The following ABTB2 variants were observed in gnomAD, a reference collection of about 807,000 sequenced individuals.
ABTB2 encodes the protein ankyrin repeat and BTB domain containing 2.
Under a neutral mutation model 104.1 loss-of-function variants are expected in ABTB2, and 56 were observed. The ratio of observed to expected loss-of-function variants is 0.54; its 90% CI spans 0.43 to 0.67. ABTB2 has a LOEUF of 0.67. ABTB2 is among the 30% of genes least tolerant of loss of function. ABTB2 has a pLI of 0.00. For missense variants in ABTB2, 1,279 were observed against 1,407.7 expected (o/e 0.91, Z 1.46); for synonymous variants, 606 against 608.2 (o/e 1.00, Z 0.05).
intron 1 of ABTB2, among the ~76,000 whole-genome samples, chr11:34,294,790 A>C (rs1590245004): frequency 6.6e-6 from 1 of 150,946 alleles, no homozygotes; most frequent in African/African-American, 2.4e-5. Flanking sequence ...ATCTCAGCTC[A>C]TGTAACCTCC....
At position 34,160,956 on chromosome 11, in the gene ABTB2, C is replaced by T. The variant is rs868582683; in HGVS notation, c.2344G>A (p.Glu782Lys). The T allele has an allele frequency of 1.2e-6, 2 of 1,613,528 alleles. No individual in the cohort carries two copies. Among genetic ancestry groups the T allele is most frequent in the African/African-American group, 2.7e-5 (2 of 75,012 alleles). The change falls in exon 11 of 17, where the codon GAG (glutamate) becomes AAG (lysine). Residue 782 changes from glutamate to lysine, a missense_variant. Coordinates refer to ENST00000435224, the MANE Select transcript of ABTB2 (RefSeq NM_145804.3). ...SSIREEEYNE[E>K]LVTEGLQLMF... ...AGCTGCAAGCCCTCGGTCACCAGCT[C>T]CTCGTTGTACTCCTCCTCTCTGATG...
In ABTB2 at chr11:34,286,256, A is replaced by C. The variant is rs1458481353; in HGVS notation, c.883+70445T>G. On this transcript the variant is annotated intron_variant, in intron 1 of 16. Transcript: ENST00000435224. Reference sequence around the variant, plus strand: ...GAGGATCGTTTGGAGCCAGGAGTTCAAGACGAGCCTGGGCATCACGGTGAG... The same window carrying C: ...GAGGATCGTTTGGAGCCAGGAGTTCCAGACGAGCCTGGGCATCACGGTGAG... 2.6e-5 allele frequency among the ~76,000 whole-genome samples: 4 copies of C among 151,756 alleles called. No individual in the cohort carries two copies. In the South Asian group the frequency reaches 8.3e-4, roughly 32 times the overall value.
chr11:34,195,085 G>GGGGGGGGGGGC (rs1565137675), intron 3 of ABTB2, among the ~76,000 whole-genome samples: 3 of 77,600 alleles, frequency 3.9e-5, no homozygotes, highest in South Asian at 6.0e-4. Flanking sequence ...CGGGGGGGGG[G>GGGGGGGGGGGC]AGTGGGGGCG....
intron 1 of ABTB2, among the ~76,000 whole-genome samples, chr11:34,269,558 C>A (rs2133079465): frequency 6.6e-6 from 1 of 152,340 alleles, no homozygotes; most frequent in East Asian, 1.9e-4. Context: ...AACTCCCCAC[C>A]TCGTCTGTTG....
Position 34,356,801 on chromosome 11 carries a change from C to T in ABTB2, c.783G>A (p.Glu261=). Residue 261 remains glutamate, a synonymous_variant, in exon 1 of 17, where the codon GAG becomes GAA. Transcript: ENST00000435224. The surrounding 1 kb of genome is among the most constrained non-coding windows in gnomAD (Gnocchi z 4.6). ...SPDGGGAGGG[E]VSAEALEMVI... ...CCATCTCCAGGGCCTCAGCAGACAC[C>T]TCCCCGCCTCCGGCCCCTCCGCCAT... 1 of 1,607,706 alleles carries T rather than the reference C, an allele frequency of 6.2e-7. No homozygotes were observed. The highest frequency in any genetic ancestry group is 1.1e-5 in the South Asian group (1 of 89,808).
chr11:34,282,706 T>C (rs1854460789), intron 1 of ABTB2, among the ~76,000 whole-genome samples: 1 of 151,750 alleles, frequency 6.6e-6, no homozygotes, highest in Non-Finnish European at 1.5e-5. Flanking sequence ...TTTTTTTCTT[T>C]TTTTTAGTAG....
intron 1 of ABTB2, among the ~76,000 whole-genome samples, chr11:34,296,678 A>C (rs548359274): frequency 6.6e-6 from 1 of 152,362 alleles, no homozygotes; most frequent in East Asian, 1.9e-4. Context: ...CAGGAATCTC[A>C]GAACTGCACA....
chr11:34,222,378 T>C (rs1853635848), intron 1 of ABTB2, among the ~76,000 whole-genome samples: 1 of 152,346 alleles, frequency 6.6e-6, no homozygotes, highest in Middle Eastern at 3.4e-3. Context: ...ATTCATGGCC[T>C]GAACTAGTCT....
intron 1 of ABTB2, among the ~76,000 whole-genome samples, chr11:34,282,586 G>A (rs529149751): frequency 1.3e-5 from 2 of 152,100 alleles, no homozygotes; most frequent in South Asian, 4.2e-4. Flanking sequence ...GAGTGCAGTG[G>A]CGCAATCTTG....
intron 1 of ABTB2, among the ~76,000 whole-genome samples, chr11:34,336,612 C>G (rs969610616): frequency 6.6e-6 from 1 of 151,652 alleles, no homozygotes; most frequent in Non-Finnish European, 1.5e-5. Flanking sequence ...CACTACACTC[C>G]AGCCTAGGTG....
At chr11:34,204,121 A>G (rs1409349257) in intron 2 of ABTB2, among the ~76,000 whole-genome samples, 2 of 152,048 alleles carry the variant, frequency 1.3e-5, no homozygotes, top group Non-Finnish European at 2.9e-5. Flanking sequence ...TCCTTTTACT[A>G]TATTGAGGCT....
chr11:34,169,218 G>A (rs1852838595), intron 5 of ABTB2, among the ~76,000 whole-genome samples: 1 of 152,146 alleles, frequency 6.6e-6, no homozygotes, highest in Non-Finnish European at 1.5e-5. Flanking sequence ...CAAATGACGG[G>A]CCCGGTGAGG....
At chr11:34,353,904 T>C (rs1484849121) in intron 1 of ABTB2, among the ~76,000 whole-genome samples, 1 of 152,248 alleles carries the variant, frequency 6.6e-6, no homozygotes, top group Non-Finnish European at 1.5e-5. Context: ...GTGTAAACCG[T>C]TACCTTGCTG....
Position 34,154,882 on chromosome 11 carries a change from A to G in ABTB2, c.2698-113T>C. ...CGCCTCCAGGGGCCTGTCCCTCTGC[A>G]GGTCCCCAGCTCTGTCTCTCCCTCC... is the stretch of plus-strand genomic sequence containing the variant. On this transcript the variant is annotated intron_variant, in intron 14 of 16. Transcript: ENST00000435224. This position sits in a 1 kb window ranked among gnomAD's most constrained non-coding sequence, Gnocchi z 4.9. The G allele has an allele frequency of 4.0e-6, 4 of 1,007,572 alleles. No homozygotes were observed. The highest frequency in any genetic ancestry group is 6.1e-6 in the Non-Finnish European group (4 of 659,806). 62.4% of individuals were successfully genotyped at this position (1,007,572 alleles called of 1,614,324 possible).
Position 34,267,999 on chromosome 11 carries a change from C to T in ABTB2, c.884-63309G>A, listed in dbSNP as rs189536975. 1.0e-3 allele frequency among the ~76,000 whole-genome samples: 155 copies of T among 152,250 alleles called. 1 individual carries two copies. The highest frequency in any genetic ancestry group is 3.3e-3 in the African/African-American group (139 of 41,542). The stretch of plus-strand genomic sequence containing the variant: ...AGGCTGGAGTGCAGTGGCTTGATCT[C>T]GGCTCACTACAACCTCTGCTTCCCG... On this transcript the variant is annotated intron_variant, in intron 1 of 16. Coordinates refer to ENST00000435224, the MANE Select transcript of ABTB2 (RefSeq NM_145804.3).
rs1383728516 is a variant in ABTB2 at position 34,152,542 on chromosome 11, A to G, written c.2923T>C (p.Phe975Leu). The G allele has an allele frequency of 1.9e-6, 3 of 1,612,786 alleles. No homozygotes were observed. Among genetic ancestry groups the G allele is most frequent in the African/African-American group, 1.3e-5 (1 of 74,886 alleles). The change falls in exon 17 of 17, where the codon TTC (phenylalanine) becomes CTC (leucine). Residue 975 changes from phenylalanine (F) to leucine (L), a missense_variant. Phe to Leu is a conservative substitution (Grantham distance 22). Coordinates refer to ENST00000435224, the MANE Select transcript of ABTB2 (RefSeq NM_145804.3). The part of the protein sequence containing the change: ...PELALFCEGF[F>L]LKHMKALLEQ... ...AGTAGGGCCTTCATGTGCTTGAGGAAGAAGCCCTCACAGAACAGGGCCAGT... is the reference window on the plus strand; with the variant it reads ...AGTAGGGCCTTCATGTGCTTGAGGAGGAAGCCCTCACAGAACAGGGCCAGT...
At chr11:34,316,735 A>C (rs182787580) in intron 1 of ABTB2, among the ~76,000 whole-genome samples, 1 of 152,362 alleles carries the variant, frequency 6.6e-6, no homozygotes, top group African/African-American at 2.4e-5. Context: ...AACCGCACCA[A>C]TAACAACTGC....
chr11:34,173,711 T>A (rs1852919379), intron 3 of ABTB2, among the ~76,000 whole-genome samples: 1 of 151,282 alleles, frequency 6.6e-6, no homozygotes, highest in South Asian at 2.1e-4. Context: ...CTCCAAAGAG[T>A]TCAGTCAGGG....
At chr11:34,260,500 T>G (rs1346579310) in intron 1 of ABTB2, among the ~76,000 whole-genome samples, 1 of 152,206 alleles carries the variant, frequency 6.6e-6, no homozygotes, top group Non-Finnish European at 1.5e-5. Context: ...TGCAGGGCTC[T>G]GAAAAGGCAG....
Sources: gnomAD v4.1 joint callset for allele counts (sites outside exome capture counted in the v4.1 genomes callset) on GRCh38, gnomAD v4.1.1 for gene constraint, Gnocchi (gnomAD v3.1) non-coding constraint, MANE v1.5 for transcripts, NCBI Gene and HGNC (gene_info 2026-07-23, HGNC 2026-07-21) for gene names.